The following PAWR variants were observed in gnomAD, a reference collection of about 807,000 sequenced individuals.
The protein encoded by PAWR is PRKC apoptosis WT1 regulator protein.
A neutral mutation model predicts 32.0 loss-of-function variants in PAWR; 23 were observed. That is an observed-to-expected ratio of 0.72 (90% confidence interval 0.52 to 1.02). The LOEUF (loss-of-function observed/expected upper bound fraction) is 1.02, where lower values mean the gene tolerates loss of function less well. Among genes scored for constraint, PAWR ranks in the 50% least tolerant of loss-of-function variants. The pLI is 0.00. For synonymous variants in PAWR, 226 were observed against 187.1 expected, an observed-to-expected ratio of 1.21 and a Z score of -1.70; for missense variants, 457 against 437.7, an observed-to-expected ratio of 1.04 and a Z score of -0.39.
At chr12:79,682,691 T>A (rs1321016699) in intron 2 of PAWR, among the ~76,000 whole-genome samples, 1 of 152,230 alleles carries the variant, frequency 6.6e-6, no homozygotes, top group Non-Finnish European at 1.5e-5. Context: ...TGTGTATTTT[T>A]ACATAGCCTA....
At chr12:79,670,485 T>C (rs1484305931) in intron 2 of PAWR, among the ~76,000 whole-genome samples, 2 of 152,110 alleles carry the variant, frequency 1.3e-5, no homozygotes, top group Non-Finnish European at 2.9e-5. Flanking sequence ...ATGCAATGAA[T>C]AAGAATAAAA....
chr12:79,601,269 A>T (rs536717454), intron 4 of PAWR, among the ~76,000 whole-genome samples: 172 of 131,720 alleles, frequency 1.3e-3, no homozygotes, highest in Non-Finnish European at 2.3e-3. Context: ...CCCAGGCTGG[A>T]GTGCAGTGGA....
chr12:79,650,334 C>G (rs1313720508), intron 2 of PAWR, among the ~76,000 whole-genome samples: 2 of 152,318 alleles, frequency 1.3e-5, no homozygotes, highest in East Asian at 3.9e-4. Flanking sequence ...TACATTGACA[C>G]TGTACCTTGT....
intron 2 of PAWR, among the ~76,000 whole-genome samples, chr12:79,659,621 C>T (rs1010055557): frequency 2.0e-5 from 3 of 152,110 alleles, no homozygotes; most frequent in Admixed American, 6.6e-5. Context: ...TACAACTATG[C>T]ACATTTCTAT....
chr12:79,590,221 CAG>C lies in PAWR; in HGVS notation c.*2384_*2385del, dbSNP rs1455998987. On this transcript the variant is annotated 3_prime_UTR_variant, in exon 7 of 7. Transcript: ENST00000328827. ...ATTTTTTTTTTTTTTTTTTTGGAGA[CAG>C]AGTTTCGCTCTTCTTGCCCAGGCTG... The C allele has an allele frequency of 1.5e-5, 2 of 137,412 alleles. No homozygotes were observed. Among genetic ancestry groups the C allele is most frequent in the African/African-American group, 5.4e-5 (2 of 36,808 alleles). 8.5% of individuals were successfully genotyped at this position (137,412 alleles called of 1,614,324 possible). A position where few individuals can be genotyped will look rare whatever the true frequency, so the allele number is the denominator to read the frequency against.
chr12:79,676,560 T>C (rs752238334), intron 2 of PAWR, among the ~76,000 whole-genome samples: 5 of 152,198 alleles, frequency 3.3e-5, no homozygotes, highest in Non-Finnish European at 5.9e-5. Context: ...CTATTCTCTC[T>C]TTCTTCTAGT....
intron 3 of PAWR, among the ~76,000 whole-genome samples, chr12:79,616,272 T>C (rs1370131562): frequency 1.3e-5 from 2 of 152,072 alleles, no homozygotes; most frequent in Non-Finnish European, 2.9e-5. Flanking sequence ...CTCACATCTG[T>C]CTCATTTTGG....
rs2136905512 is a variant in PAWR at position 79,689,843 on chromosome 12, T to C, written c.402A>G (p.Pro134=). 6.3e-7 allele frequency: 1 copy of C among 1,587,912 alleles called. No homozygotes were observed. The highest frequency in any genetic ancestry group is 8.6e-7 in the Non-Finnish European group (1 of 1,168,330). The part of the protein sequence containing the change: ...QRDEEEPDGV[P]EKGKSSGPSA... ...TGGGGCCCGAGCTCTTGCCCTTCTCTGGGACGCCGTCCGGCTCCTCCTCGT... is the reference window on the plus strand; with the variant it reads ...TGGGGCCCGAGCTCTTGCCCTTCTCCGGGACGCCGTCCGGCTCCTCCTCGT... The change falls in exon 2 of 7, where the codon CCA becomes CCG. Residue 134 remains proline (P), a synonymous_variant. Transcript: ENST00000328827.
chr12:79,667,087 CA>C (rs893433989), intron 2 of PAWR, among the ~76,000 whole-genome samples: 2 of 152,178 alleles, frequency 1.3e-5, no homozygotes, highest in African/African-American at 4.8e-5. Flanking sequence ...CCTAGATGTA[CA>C]AAACCAAACT....
chr12:79,675,355 G>T (rs913919255), intron 2 of PAWR, among the ~76,000 whole-genome samples: 2 of 151,860 alleles, frequency 1.3e-5, no homozygotes, highest in African/African-American at 4.8e-5. Flanking sequence ...CCCCAACCTG[G>T]GTGACAAAGC....
At chr12:79,640,860 T>C (rs1876288770) in intron 2 of PAWR, among the ~76,000 whole-genome samples, 1 of 152,164 alleles carries the variant, frequency 6.6e-6, no homozygotes, top group African/African-American at 2.4e-5. Context: ...AGAAACTATG[T>C]CCTATAATAG....
At chr12:79,639,888 TTCC>T (rs1236294728) in intron 2 of PAWR, among the ~76,000 whole-genome samples, 22 of 120,602 alleles carry the variant, frequency 1.8e-4, no homozygotes, top group Non-Finnish European at 2.3e-4. Flanking sequence ...TCCTATTCCA[TTCC>T]ATTCCATTCC....
chr12:79,659,879 A>T (rs978388345), intron 2 of PAWR, among the ~76,000 whole-genome samples: 1 of 152,190 alleles, frequency 6.6e-6, no homozygotes, highest in Non-Finnish European at 1.5e-5. Flanking sequence ...CCCCAAAAGT[A>T]GTTTTTGTCC....
At chr12:79,604,720 TC>T in intron 4 of PAWR, 1 of 1,285,398 alleles carries the variant, frequency 7.8e-7, no homozygotes, top group Non-Finnish European at 1.0e-6. Flanking sequence ...TTATCTCTCT[TC>T]CTTTAAATAC....
chr12:79,643,880 A>C (rs1414631331), intron 2 of PAWR, among the ~76,000 whole-genome samples: 1 of 152,202 alleles, frequency 6.6e-6, no homozygotes, highest in Non-Finnish European at 1.5e-5. Flanking sequence ...TGTTAACAAA[A>C]TAAAAAATAT....
Position 79,604,628 on chromosome 12 carries a change from C to A in PAWR, c.684-7970G>T. 3 of 1,285,450 alleles carry A rather than the reference C, an allele frequency of 2.3e-6. No homozygotes were observed. The South Asian group carries it at 3.7e-5, about 16-fold the overall frequency. 79.6% of individuals were successfully genotyped at this position (1,285,450 alleles called of 1,614,324 possible). On this transcript the variant is annotated intron_variant, in intron 4 of 6. Transcript: ENST00000328827. The stretch of plus-strand genomic sequence containing the variant: ...AACAACTACTTAACTGGCTTCCATC[C>A]TTTTAGTATCTTTCACTGCCCCATT...
chr12:79,635,751 A>G (rs545960299), intron 2 of PAWR: 9 of 152,306 alleles, frequency 5.9e-5, no homozygotes, highest in Non-Finnish European at 1.2e-4. Context: ...CTGTCCAAAA[A>G]AAGTTTGAAA....
chr12:79,654,891 C>A (rs2136807947), intron 2 of PAWR, among the ~76,000 whole-genome samples: 1 of 152,260 alleles, frequency 6.6e-6, no homozygotes, highest in Non-Finnish European at 1.5e-5. Context: ...GGTGGGGACA[C>A]AGAGCCAAAC....
chr12:79,638,661 G>A (rs1450582266), intron 2 of PAWR, among the ~76,000 whole-genome samples: 3 of 150,894 alleles, frequency 2.0e-5, no homozygotes, highest in Non-Finnish European at 4.4e-5. Context: ...TTGCAACAAC[G>A]GCAGTGGGTT....
Sources: gnomAD v4.1 joint callset for allele counts (sites outside exome capture counted in the v4.1 genomes callset) on GRCh38, gnomAD v4.1.1 for gene constraint, MANE v1.5 for transcripts, NCBI Gene and HGNC (gene_info 2026-07-23, HGNC 2026-07-21) for gene names.